Variants in ZNF518A observed in about 807,000 individuals in gnomAD.
The protein encoded by ZNF518A is zinc finger protein 518.
In ZNF518A, 47 loss-of-function variants were observed where a neutral mutation model predicts 102.7. The observed-to-expected ratio is 0.46, with a 90% confidence interval of 0.36 to 0.58. ZNF518A has a LOEUF of 0.58. ZNF518A is among the 20% of genes least tolerant of loss of function. The pLI, the probability that ZNF518A is intolerant of heterozygous loss-of-function variation, is 0.00. For missense variants in ZNF518A, 1,793 were observed against 1,699.8 expected (o/e 1.05, Z -0.96); for synonymous variants, 652 against 594.6 (o/e 1.10, Z -1.40).
intron 1 of ZNF518A, among the ~76,000 whole-genome samples, chr10:96,192,319 T>G (rs1554893644): frequency 6.7e-6 from 1 of 150,178 alleles, no homozygotes; most frequent in South Asian, 2.1e-4. Flanking sequence ...TCAATTAGCA[T>G]AGCTACTTAG....
At chr10:96,144,274 C>T (rs587620946) in intron 3 of ZNF518A, among the ~76,000 whole-genome samples, 1 of 152,184 alleles carries the variant, frequency 6.6e-6, no homozygotes, top group East Asian at 1.9e-4. Flanking sequence ...GCATGAGTCA[C>T]CATGCCCAGC....
At chr10:96,171,762 A>T (rs587756908) in intron 1 of ZNF518A, among the ~76,000 whole-genome samples, 1 of 152,180 alleles carries the variant, frequency 6.6e-6, no homozygotes, top group Admixed American at 6.5e-5. Flanking sequence ...AGTCAAAGAA[A>T]TAATGACTAG....
chr10:96,204,460 C>T (rs1277588144), downstream of ZNF518A: 1 of 1,470,078 alleles, frequency 6.8e-7, no homozygotes, highest in Non-Finnish European at 9.5e-7. Context: ...TGTCACTGTG[C>T]AGTGAAACAA....
chr10:96,148,065 G>A (rs1554879114), intron 3 of ZNF518A, among the ~76,000 whole-genome samples: 1 of 151,944 alleles, frequency 6.6e-6, no homozygotes. Flanking sequence ...ATTTCTTAGA[G>A]TTCTTTTTGT....
chr10:96,189,526 C>T (rs1220275748), intron 1 of ZNF518A: 13 of 654,444 alleles, frequency 2.0e-5, no homozygotes, highest in Middle Eastern at 4.4e-4. Flanking sequence ...GAACTAGGCC[C>T]TTTTGGTGTT....
At chr10:96,184,560 A>G (rs2083259582) in intron 1 of ZNF518A, among the ~76,000 whole-genome samples, 1 of 152,148 alleles carries the variant, frequency 6.6e-6, no homozygotes, top group Non-Finnish European at 1.5e-5. Flanking sequence ...TTCACTTATG[A>G]AGCTTAGTTT....
intron 3 of ZNF518A, among the ~76,000 whole-genome samples, chr10:96,138,338 C>T (rs1292677541): frequency 2.0e-5 from 3 of 152,214 alleles, no homozygotes; most frequent in Non-Finnish European, 4.4e-5. Flanking sequence ...CTTGTTACTT[C>T]TCTGACCTCA....
At chr10:96,195,021 G>A (rs2083429593) in intron 1 of ZNF518A, among the ~76,000 whole-genome samples, 1 of 151,646 alleles carries the variant, frequency 6.6e-6, no homozygotes, top group Non-Finnish European at 1.5e-5. Flanking sequence ...CGCCCGTCTC[G>A]GCCTCCCAAA....
At chr10:96,166,007 A>G (rs1367091202), downstream of ZNF518A, among the ~76,000 whole-genome samples, 1 of 152,178 alleles carries the variant, frequency 6.6e-6, no homozygotes, top group Non-Finnish European at 1.5e-5. Flanking sequence ...AGGCCTGAGA[A>G]CCAAGGGGCC....
In ZNF518A at chr10:96,160,475, A is replaced by G. The variant is rs2082951992; in HGVS notation, c.4153A>G (p.Asn1385Asp). 1 of 1,613,198 alleles carries G rather than the reference A, an allele frequency of 6.2e-7. No homozygotes were observed. The highest frequency in any genetic ancestry group is 1.1e-5 in the South Asian group (1 of 90,990). Residue 1385 changes from asparagine (N) to aspartate (D), a missense_variant, in exon 6 of 6, where the codon AAT becomes GAT. Physicochemically the swap from Asn to Asp is conservative, Grantham distance 23. Around this residue, in one of 3 missense-constraint regions of ZNF518A, gnomAD observed 1,741 missense variants for 1,622.6 expected, o/e 1.07. Transcript: ENST00000316045. ...LKVSLSKRTINALLKPVCYNP... is the reference protein window; with the variant it reads ...LKVSLSKRTIDALLKPVCYNP... Reference sequence around the variant, plus strand: ...GGTTTCATTGTCAAAAAGAACTATAAATGCTTTACTGAAACCAGTTTGTTA... The same window carrying G: ...GGTTTCATTGTCAAAAAGAACTATAGATGCTTTACTGAAACCAGTTTGTTA...
intron 1 of ZNF518A, among the ~76,000 whole-genome samples, chr10:96,202,695 C>T (rs1003804521): frequency 2.6e-5 from 4 of 152,100 alleles, no homozygotes; most frequent in Admixed American, 1.3e-4. Context: ...AACAGCACTC[C>T]CAGGTGAGAG....
At chr10:96,149,308 A>C (rs1451200576) in intron 3 of ZNF518A, among the ~76,000 whole-genome samples, 5 of 152,146 alleles carry the variant, frequency 3.3e-5, no homozygotes, top group African/African-American at 4.8e-5. Flanking sequence ...GCAGAAAAAA[A>C]GGGGATATGA....
At chr10:96,147,195 C>T (rs1554878797) in intron 3 of ZNF518A, among the ~76,000 whole-genome samples, 1 of 152,162 alleles carries the variant, frequency 6.6e-6, no homozygotes. Flanking sequence ...AAGCCAAATA[C>T]AGATGAGAAT....
At position 96,159,475 on chromosome 10, in the gene ZNF518A, C is replaced by G; in HGVS notation, c.3153C>G (p.Tyr1051Ter). The G allele has an allele frequency of 6.2e-7, 1 of 1,613,760 alleles. No homozygotes were observed. Among genetic ancestry groups the G allele is most frequent in the Non-Finnish European group, 8.5e-7 (1 of 1,179,764 alleles). ...ATACTTTGCCATTAAAAGGCCCTTA[C>G]ATTTTGAAACCAACGAGTTCTGTGA... ...SENTLPLKGP[Y>*]ILKPTSSVKA... The change falls in exon 6 of 6, where the codon TAC (tyrosine) becomes TAG (stop). Residue 1051 changes from tyrosine to a stop codon, truncating the protein, a stop_gained. Transcript: ENST00000316045. LOFTEE classifies it high-confidence loss of function.
chr10:96,139,205 G>T (rs1344921071), intron 3 of ZNF518A, among the ~76,000 whole-genome samples: 1 of 152,090 alleles, frequency 6.6e-6, no homozygotes, highest in East Asian at 1.9e-4. Context: ...TGAAGAAAAA[G>T]ACCCAAGACC....
chr10:96,173,647 T>G (rs1317380129), intron 1 of ZNF518A, among the ~76,000 whole-genome samples: 1 of 152,080 alleles, frequency 6.6e-6, no homozygotes, highest in Non-Finnish European at 1.5e-5. Context: ...CTGACAGAAT[T>G]GAAGGGAGAA....
chr10:96,130,515 C>T lies in ZNF518A; in HGVS notation c.-690C>T, dbSNP rs1051570529. ...CCGAACCCCGGAGGAAGGGGCGGAT[C>T]GGGCGCGGTGTTTGGGGCGAAGCTG... On this transcript the variant is annotated 5_prime_UTR_variant, in exon 1 of 6. Coordinates refer to ENST00000316045, the MANE Select transcript of ZNF518A (RefSeq NM_001330736.2). Among the ~76,000 whole-genome samples, 3 of 152,216 alleles carry T rather than the reference C, an allele frequency of 2.0e-5. No homozygotes were observed. Among genetic ancestry groups the T allele is most frequent in the Non-Finnish European group, 2.9e-5 (2 of 68,034 alleles).
chr10:96,164,333 C>G (rs2083101165), downstream of ZNF518A, among the ~76,000 whole-genome samples: 1 of 152,182 alleles, frequency 6.6e-6, no homozygotes. Context: ...TGTTCTTTGC[C>G]TTAGCAACTT....
At chr10:96,143,924 G>A (rs1285682640) in intron 3 of ZNF518A, among the ~76,000 whole-genome samples, 1 of 152,252 alleles carries the variant, frequency 6.6e-6, no homozygotes, top group Non-Finnish European at 1.5e-5. Context: ...TTTCCTCTTA[G>A]CATGAAAACA....
Sources: allele counts gnomAD v4.1 joint callset (sites outside exome capture counted in the v4.1 genomes callset), GRCh38; gene constraint gnomAD v4.1.1; regional missense constraint gnomAD v4.1.1; transcripts MANE v1.5; gene names NCBI Gene and HGNC (gene_info 2026-07-23, HGNC 2026-07-21).